Variants in IPO11 observed in about 807,000 individuals in gnomAD.
The protein encoded by IPO11 is importin-11.
Under a neutral mutation model 143.2 loss-of-function variants are expected in IPO11, and 66 were observed. The ratio of observed to expected loss-of-function variants is 0.46; its 90% CI spans 0.38 to 0.57. The LOEUF (loss-of-function observed/expected upper bound fraction) is 0.57. IPO11 is among the 20% of genes least tolerant of loss of function. The probability of loss-of-function intolerance (pLI) is 0.00; values close to 1 mark genes in which losing one functional copy is unlikely to be tolerated. For missense variants in IPO11, 1,026 were observed against 1,141.0 expected, an observed-to-expected ratio of 0.90 and a Z score of 1.45; for synonymous variants, 385 against 377.8, an observed-to-expected ratio of 1.02 and a Z score of -0.22.
chr5:62,522,487 G>A (rs1228751229), intron 20 of IPO11, among the ~76,000 whole-genome samples: 1 of 152,128 alleles, frequency 6.6e-6, no homozygotes, highest in Non-Finnish European at 1.5e-5. Flanking sequence ...GTTTCATCAT[G>A]TTGGCCGGGC....
At chr5:62,619,870 G>A (rs1336144403) in intron 29 of IPO11, among the ~76,000 whole-genome samples, 1 of 151,372 alleles carries the variant, frequency 6.6e-6, no homozygotes, top group African/African-American at 2.4e-5. Context: ...AAAAAAAAAA[G>A]AAACTGCACA....
chr5:62,578,914 T>C (rs1744429017), intron 27 of IPO11: 1 of 251,338 alleles, frequency 4.0e-6, no homozygotes, highest in South Asian at 4.2e-5. Context: ...TGAGTGTTAA[T>C]AATACGAATT....
At chr5:62,567,558 C>CTTTTTTT (rs34740276) in intron 27 of IPO11, among the ~76,000 whole-genome samples, 6 of 70,170 alleles carry the variant, frequency 8.6e-5, no homozygotes, top group Non-Finnish European at 1.4e-4. Context: ...CTTACATTTC[C>CTTTTTTT]TTTTTTTTTT....
rs552364596 is a variant in IPO11, at chr5:62,589,783, T to G, written c.2583-1794T>G. On this transcript the variant is annotated intron_variant, in intron 27 of 29. Transcript: ENST00000325324. Reference sequence around the variant, plus strand: ...ACCAATGGTGTCCACCCAGCAGAGATATCTCATGAGATAGACTGAAGTGTG... The same window carrying G: ...ACCAATGGTGTCCACCCAGCAGAGAGATCTCATGAGATAGACTGAAGTGTG... Among the ~76,000 whole-genome samples the G allele has an allele frequency of 1.3e-3, 193 of 152,288 alleles. 5 individuals are homozygous for G. In the South Asian group the frequency reaches 0.039, roughly 31 times the overall value.
chr5:62,460,315 C>T (rs898819621), intron 5 of IPO11, among the ~76,000 whole-genome samples: 1 of 152,218 alleles, frequency 6.6e-6, no homozygotes, highest in Non-Finnish European at 1.5e-5. Context: ...CCCTCTCCCC[C>T]TTAAAAATGC....
intron 10 of IPO11, 42 bp from the exon 11 acceptor site, chr5:62,483,968 A>G: frequency 6.6e-7 from 1 of 1,525,360 alleles, no homozygotes; most frequent in Non-Finnish European, 8.9e-7. Context: ...TGTAGCTACA[A>G]TGTTTGGCTA....
At chr5:62,431,873 A>G (rs1447957104) in intron 1 of IPO11, among the ~76,000 whole-genome samples, 1 of 152,002 alleles carries the variant, frequency 6.6e-6, no homozygotes, top group African/African-American at 2.4e-5. Context: ...CCCAGGAGGC[A>G]GAAGTTGCAG....
chr5:62,415,090 G>A (rs78930773), intron 1 of IPO11, among the ~76,000 whole-genome samples: 2,578 of 152,220 alleles, frequency 0.017, 83 homozygotes, highest in African/African-American at 0.059. Flanking sequence ...ATTGGGTACT[G>A]TACAGGCAGC....
chr5:62,628,569 C>T lies in IPO11; in HGVS notation c.*1251C>T, dbSNP rs1004577563. 2.0e-5 allele frequency: 3 copies of T among 152,570 alleles called. No homozygotes were observed. Among genetic ancestry groups the T allele is most frequent in the Non-Finnish European group, 4.4e-5 (3 of 68,020 alleles). The allele number at this position is 152,570 out of a possible 1,614,324, so 9.5% of individuals were successfully genotyped here. A position where few individuals can be genotyped will look rare whatever the true frequency, so the allele number is the denominator to read the frequency against. On this transcript the variant is annotated 3_prime_UTR_variant, in exon 30 of 30. Transcript: ENST00000325324. ...GAAAATATGGTCCAAATTAAATTTT[C>T]CAAAGATACCTCACCTTGGACTGAT...
chr5:62,568,865 C>T (rs1744045026), intron 27 of IPO11, among the ~76,000 whole-genome samples: 1 of 152,072 alleles, frequency 6.6e-6, no homozygotes, highest in African/African-American at 2.4e-5. Flanking sequence ...CACAGCCTGG[C>T]CTTGTTTGTA....
At position 62,543,371 on chromosome 5, in the gene IPO11, T is replaced by C. The variant is rs1031074447; in HGVS notation, c.2250+6082T>C. Among the ~76,000 whole-genome samples the C allele has an allele frequency of 2.6e-5, 4 of 152,176 alleles. No individual in the cohort carries two copies. In the East Asian group the frequency reaches 7.7e-4, roughly 29 times the overall value. ...GTTGCCTCAATTTCAGAGCCTGTTA[T>C]TGGTCTATTCAGGGATTCAACTTCT... is the stretch of plus-strand genomic sequence containing the variant. On this transcript the variant is annotated intron_variant, in intron 24 of 29. Transcript: ENST00000325324.
At chr5:62,516,418 C>T (rs931427013) in intron 20 of IPO11, among the ~76,000 whole-genome samples, 11 of 152,108 alleles carry the variant, frequency 7.2e-5, no homozygotes, top group African/African-American at 2.4e-4. Context: ...CTCAGCCTCC[C>T]AAGTAGCTGG....
chr5:62,622,206 T>G (rs1476094797), intron 29 of IPO11, among the ~76,000 whole-genome samples: 3 of 152,226 alleles, frequency 2.0e-5, no homozygotes, highest in Non-Finnish European at 4.4e-5. Context: ...TTCTTATTTT[T>G]GGATGTATAT....
intron 5 of IPO11, among the ~76,000 whole-genome samples, chr5:62,452,585 A>G (rs1203952145): frequency 1.3e-5 from 2 of 150,944 alleles, no homozygotes; most frequent in African/African-American, 5.0e-5. Flanking sequence ...TAGGGCAGAT[A>G]TAGGAAGGAG....
rs1580146031 is a variant in IPO11, at chr5:62,412,942, C to G, written c.-7+13C>G. 1.3e-5 allele frequency: 2 copies of G among 152,750 alleles called. No homozygotes were observed. The highest frequency in any genetic ancestry group is 4.8e-5 in the African/African-American group (2 of 41,542). The allele number at this position is 152,750 out of a possible 1,614,324, so 9.5% of individuals were successfully genotyped here. On this transcript the variant is annotated intron_variant, in intron 1 of 29. Transcript: ENST00000325324. ...ACCGAACCAAACGGTGAGGCCCCGG[C>G]CCGAGAGCCACCGAGCGCGCGGGAG...
intron 1 of IPO11, among the ~76,000 whole-genome samples, chr5:62,434,633 G>A (rs1423025235): frequency 6.6e-6 from 1 of 152,034 alleles, no homozygotes; most frequent in Non-Finnish European, 1.5e-5. Context: ...AATATACACA[G>A]GATTTTGAAG....
At chr5:62,558,325 C>T (rs1743647476) in intron 26 of IPO11, among the ~76,000 whole-genome samples, 1 of 152,228 alleles carries the variant, frequency 6.6e-6, no homozygotes, top group African/African-American at 2.4e-5. Flanking sequence ...TAGTTTAGAA[C>T]ATCATCTGGT....
At chr5:62,617,617 T>TCC (rs1278881110) in intron 29 of IPO11, among the ~76,000 whole-genome samples, 1 of 152,132 alleles carries the variant, frequency 6.6e-6, no homozygotes, top group African/African-American at 2.4e-5. Context: ...AACAATTCCC[T>TCC]ATTATTTAAT....
At chr5:62,456,209 G>A (rs1745148269) in intron 5 of IPO11, among the ~76,000 whole-genome samples, 1 of 151,744 alleles carries the variant, frequency 6.6e-6, no homozygotes, top group Non-Finnish European at 1.5e-5. Flanking sequence ...ATGGGGTTTT[G>A]CCATGTTGGC....
Sources: gnomAD v4.1 joint callset for allele counts (sites outside exome capture counted in the v4.1 genomes callset) on GRCh38, gnomAD v4.1.1 for gene constraint, MANE v1.5 for transcripts, NCBI Gene and HGNC (gene_info 2026-07-23, HGNC 2026-07-21) for gene names.